The following PCDHA2 variants were observed in gnomAD, a reference collection of about 807,000 sequenced individuals.
The protein encoded by PCDHA2 is protocadherin alpha-2.
PCDHA2 carries 58 observed loss-of-function variants against 66.0 expected under a neutral mutation model. The observed-to-expected ratio is 0.88, with a 90% CI of 0.71 to 1.09. The LOEUF (loss-of-function observed/expected upper bound fraction) is 1.09, where lower values mean the gene tolerates loss of function less well. Among genes scored for constraint, PCDHA2 ranks in the 50% least tolerant of loss-of-function variants. The probability of loss-of-function intolerance (pLI) is 0.00; values close to 1 mark genes in which losing one functional copy is unlikely to be tolerated. For missense variants in PCDHA2, 1,267 were observed against 1,242.3 expected (o/e 1.02, Z -0.30); for synonymous variants, 634 against 554.0 (o/e 1.14, Z -2.03).
At chr5:140,872,058 C>T (rs2053466493) in intron 1 of PCDHA2, among the ~76,000 whole-genome samples, 1 of 152,212 alleles carries the variant, frequency 6.6e-6, no homozygotes, top group African/African-American at 2.4e-5. Flanking sequence ...CTTCAGCCTC[C>T]AGAGTAGCTG....
At chr5:140,870,919 C>A in intron 1 of PCDHA2, 1 of 1,613,952 alleles carries the variant, frequency 6.2e-7, no homozygotes. Context: ...CAACGCGTGG[C>A]TTTCATATGA....
chr5:140,986,106 G>A (rs2097187379), intron 3 of PCDHA2, among the ~76,000 whole-genome samples: 2 of 152,116 alleles, frequency 1.3e-5, no homozygotes, highest in Non-Finnish European at 2.9e-5. Context: ...AAAAGCCTAA[G>A]ATAAAGATGC....
chr5:140,836,815 A>C, intron 1 of PCDHA2: 1 of 1,210,190 alleles, frequency 8.3e-7, no homozygotes, highest in Non-Finnish European at 1.1e-6. Flanking sequence ...TTCTTTCATA[A>C]TTTCTTTTTT....
rs553749529 is a variant in PCDHA2, at chr5:140,931,877, G to C, written c.2389-47072G>C. 3.3e-5 allele frequency among the ~76,000 whole-genome samples: 5 copies of C among 151,886 alleles called. No individual in the cohort carries two copies. The South Asian group carries it at 8.3e-4, about 25-fold the overall frequency. The stretch of plus-strand genomic sequence containing the variant: ...GGATTCTAGAAATAAAATATTTATT[G>C]CTTTCATTTTATTTCAAATCATTTG... On this transcript the variant is annotated intron_variant, in intron 1 of 3. Coordinates refer to ENST00000526136, the MANE Select transcript of PCDHA2 (RefSeq NM_018905.3).
chr5:140,808,000 A>G (rs1764079769), intron 1 of PCDHA2: 1 of 1,613,752 alleles, frequency 6.2e-7, no homozygotes, highest in Non-Finnish European at 8.5e-7. Context: ...ATTTAGACGA[A>G]GGATTGAATG....
At chr5:140,861,610 A>T (rs1268305779) in intron 1 of PCDHA2, 1 of 355,772 alleles carries the variant, frequency 2.8e-6, no homozygotes. Context: ...AACAATAAAG[A>T]CAACCTGCCA....
chr5:140,966,313 C>G, intron 1 of PCDHA2: 1 of 386,824 alleles, frequency 2.6e-6, no homozygotes. Flanking sequence ...CGTGTTCCTG[C>G]GGTCCGCTGG....
At chr5:140,846,383 T>C (rs1416297479) in intron 1 of PCDHA2, among the ~76,000 whole-genome samples, 1 of 137,386 alleles carries the variant, frequency 7.3e-6, no homozygotes, top group African/African-American at 2.6e-5. Flanking sequence ...CTTTTTTTTT[T>C]TTTTTTTTTG....
chr5:140,877,068 G>C (rs1050946101), intron 1 of PCDHA2: 4 of 1,613,122 alleles, frequency 2.5e-6, no homozygotes, highest in Non-Finnish European at 3.4e-6. Context: ...AGCTGCTGCA[G>C]TTCCAGGTGA....
At chr5:140,937,326 C>G (rs1287239556) in intron 1 of PCDHA2, among the ~76,000 whole-genome samples, 2 of 152,046 alleles carry the variant, frequency 1.3e-5, no homozygotes, top group Non-Finnish European at 2.9e-5. Flanking sequence ...CGTGAGCCAC[C>G]GCGCCCGGCT....
At chr5:140,829,788 T>C in intron 1 of PCDHA2, 2 of 1,613,804 alleles carry the variant, frequency 1.2e-6, no homozygotes, top group Non-Finnish European at 8.5e-7. Flanking sequence ...CCGGCGCTGC[T>C]GGCGCCTCGG....
Position 140,856,423 on chromosome 5 carries a change from T to C in PCDHA2, c.2388+59071T>C, listed in dbSNP as rs1266159746. 5 of 1,598,178 alleles carry C rather than the reference T, an allele frequency of 3.1e-6. 1 individual carries two copies. In the African/African-American group the frequency reaches 4.0e-5, roughly 13 times the overall value. On this transcript the variant is annotated intron_variant, in intron 1 of 3. Transcript: ENST00000526136. ...ATGTGGACGTGGAAGTGAAGGACAT[T>C]AACGACAACCCGCCCAGGTTCTCCG...
intron 1 of PCDHA2, chr5:140,883,794 C>A (rs781822448): frequency 6.2e-7 from 1 of 1,612,476 alleles, no homozygotes; most frequent in Non-Finnish European, 8.5e-7. Flanking sequence ...AGCTACGTGT[C>A]GGTGCACGCG....
chr5:140,854,987 T>C (rs1220578373), intron 1 of PCDHA2, among the ~76,000 whole-genome samples: 1 of 149,970 alleles, frequency 6.7e-6, no homozygotes, highest in Admixed American at 6.7e-5. Context: ...TAAGATTCTT[T>C]TTGCCCGTGT....
intron 1 of PCDHA2, among the ~76,000 whole-genome samples, chr5:140,893,595 T>C (rs13187419): frequency 0.05 from 7,691 of 152,298 alleles, 276 homozygotes; most frequent in Non-Finnish European, 0.072. Context: ...GGAAATACTT[T>C]ATTTCTCCTT....
intron 1 of PCDHA2, among the ~76,000 whole-genome samples, chr5:140,953,372 A>G (rs1472097697): frequency 6.6e-6 from 1 of 151,982 alleles, no homozygotes; most frequent in Non-Finnish European, 1.5e-5. Flanking sequence ...AGGATTCTCT[A>G]CCCCTCTCAG....
rs2150335753 is a variant in PCDHA2, at chr5:140,842,424, T to A, written c.2388+45072T>A. On this transcript the variant is annotated intron_variant, in intron 1 of 3. Transcript: ENST00000526136. Reference sequence around the variant, plus strand: ...CGTGAAGACGCTCAATTTGGTACTGTCATCGCCCTAATTAGCGTGAACGAC... The same window carrying A: ...CGTGAAGACGCTCAATTTGGTACTGACATCGCCCTAATTAGCGTGAACGAC... 2 of 1,613,572 alleles carry A rather than the reference T, an allele frequency of 1.2e-6. No individual in the cohort carries two copies. Among genetic ancestry groups the A allele is most frequent in the East Asian group, 4.5e-5 (2 of 44,874 alleles).
At chr5:140,842,412 A>T in intron 1 of PCDHA2, 1 of 1,613,004 alleles carries the variant, frequency 6.2e-7, no homozygotes, top group East Asian at 2.2e-5. Context: ...GAAGACGCTC[A>T]ATTTGGTACT....
intron 1 of PCDHA2, chr5:140,848,593 A>T: frequency 1.3e-6 from 2 of 1,593,964 alleles, no homozygotes; most frequent in Non-Finnish European, 1.7e-6. Context: ...CAGCTCCACT[A>T]CTCCGTCCCG....
Sources: gnomAD v4.1 joint callset for allele counts (sites outside exome capture counted in the v4.1 genomes callset) on GRCh38, gnomAD v4.1.1 for gene constraint, MANE v1.5 for transcripts, NCBI Gene and HGNC (gene_info 2026-07-23, HGNC 2026-07-21) for gene names.